Variants in NUDC observed in about 807,000 individuals in gnomAD.
NUDC encodes nuclear migration protein nudC.
NUDC carries 14 observed loss-of-function variants against 45.0 expected under a neutral mutation model. The ratio of observed to expected loss-of-function variants is 0.31; its 90% CI spans 0.21 to 0.49. NUDC has a LOEUF of 0.49. Among genes scored for constraint, NUDC ranks in the 20% least tolerant of loss-of-function variants. The pLI, the probability that NUDC is intolerant of heterozygous loss-of-function variation, is 0.99. For missense variants in NUDC, 323 were observed against 426.2 expected, an observed-to-expected ratio of 0.76 and a Z score of 2.13; for synonymous variants, 153 against 156.7, an observed-to-expected ratio of 0.98 and a Z score of 0.17.
intron 2 of NUDC, among the ~76,000 whole-genome samples, chr1:26,933,247 T>A (rs896506832): frequency 3.9e-5 from 6 of 151,962 alleles, no homozygotes; most frequent in South Asian, 2.1e-4. Context: ...TTTTTTTTTT[T>A]AAATCTATTC....
At position 26,946,378 on chromosome 1, in the gene NUDC, T is replaced by G; in HGVS notation, c.*197T>G. The G allele has an allele frequency of 1.6e-6, 1 of 623,308 alleles. No homozygotes were observed. The highest frequency in any genetic ancestry group is 2.9e-6 in the Non-Finnish European group (1 of 345,964). The allele number at this position is 623,308 out of a possible 1,614,324, so 38.6% of individuals were successfully genotyped here. On this transcript the variant is annotated 3_prime_UTR_variant, in exon 9 of 9. Transcript: ENST00000321265. ...CCCCAGTTGGCCTACTGTTACACAT[T>G]AAAACGATTTGCCCAGCTCCTTCTG...
At chr1:26,911,427 G>A (rs2082025514) in intron 3 of NUDC, 1 of 344,904 alleles carries the variant, frequency 2.9e-6, no homozygotes, top group Admixed American at 4.1e-5. Flanking sequence ...GATAGCAGCA[G>A]GGTGGGCCCT....
intron 2 of NUDC, among the ~76,000 whole-genome samples, chr1:26,927,157 G>C (rs1416745774): frequency 1.4e-5 from 2 of 146,638 alleles, no homozygotes; most frequent in African/African-American, 5.2e-5. Context: ...TATGAAGGAT[G>C]AATAGCTGTA....
intron 3 of NUDC, among the ~76,000 whole-genome samples, chr1:26,914,804 T>C (rs1177295845): frequency 6.6e-6 from 1 of 151,638 alleles, no homozygotes; most frequent in African/African-American, 2.4e-5. Context: ...CCGTCTCTAC[T>C]AAAAATACAA....
intron 2 of NUDC, among the ~76,000 whole-genome samples, chr1:26,909,975 A>T (rs2082018869): frequency 1.3e-5 from 2 of 152,066 alleles, no homozygotes; most frequent in African/African-American, 4.8e-5. Flanking sequence ...TGGGGTCCCA[A>T]ATGCCAGGCA....
intron 6 of NUDC, among the ~76,000 whole-genome samples, chr1:26,944,429 C>T (rs535451630): frequency 6.6e-6 from 1 of 152,246 alleles, no homozygotes; most frequent in Non-Finnish European, 1.5e-5. Flanking sequence ...AACTCCTGGG[C>T]TCAAGGGATC....
chr1:26,914,028 G>A, intron 3 of NUDC: 2 of 1,128,558 alleles, frequency 1.8e-6, no homozygotes, highest in Non-Finnish European at 2.3e-6. Context: ...TGGAACGGGG[G>A]GAATGGCCCA....
At chr1:26,934,859 G>A (rs572692252) in intron 2 of NUDC, among the ~76,000 whole-genome samples, 16 of 151,918 alleles carry the variant, frequency 1.1e-4, no homozygotes, top group Non-Finnish European at 2.2e-4. Context: ...GGGTTTCACC[G>A]TGTTAGCCAG....
intron 2 of NUDC, among the ~76,000 whole-genome samples, chr1:26,931,546 C>T (rs1486418623): frequency 2.0e-5 from 3 of 149,490 alleles, no homozygotes; most frequent in African/African-American, 7.4e-5. Context: ...TTTGGGAGGC[C>T]GAGGTGGGCG....
intron 2 of NUDC, among the ~76,000 whole-genome samples, chr1:26,938,543 TA>T (rs1174533221): frequency 1.3e-5 from 2 of 152,164 alleles, no homozygotes; most frequent in East Asian, 1.9e-4. Flanking sequence ...ATTTGTGGTT[TA>T]GGGGGTACGT....
At chr1:26,931,473 C>T (rs749957660) in intron 2 of NUDC, among the ~76,000 whole-genome samples, 4 of 146,282 alleles carry the variant, frequency 2.7e-5, no homozygotes, top group Admixed American at 6.9e-5. Context: ...ACCTGTGCCT[C>T]CTGGGTTCAA....
intron 8 of NUDC, 110 bp from the exon 9 acceptor site, chr1:26,946,020 C>A: frequency 9.3e-7 from 1 of 1,080,128 alleles, no homozygotes; most frequent in Non-Finnish European, 1.4e-6. Context: ...CCCAGCCTGG[C>A]TTGGTGTTGC....
intron 1 of NUDC, chr1:26,900,578 G>T (rs942937055): frequency 1.4e-6 from 1 of 708,498 alleles, no homozygotes; most frequent in African/African-American, 1.8e-5. Context: ...GGAGCTGGAA[G>T]ATCCGAAGTC....
At chr1:26,936,604 C>T (rs1306271614) in intron 2 of NUDC, among the ~76,000 whole-genome samples, 4 of 150,938 alleles carry the variant, frequency 2.7e-5, no homozygotes, top group Admixed American at 1.3e-4. Flanking sequence ...CCTCCCGAAG[C>T]GCTGGGATTA....
chr1:26,939,435 G>A (rs1230164578), intron 2 of NUDC, among the ~76,000 whole-genome samples: 2 of 152,006 alleles, frequency 1.3e-5, no homozygotes, highest in Admixed American at 6.6e-5. Context: ...AGACCAGCCT[G>A]GGCAACATGG....
At chr1:26,930,929 T>C (rs1446956241) in intron 2 of NUDC, among the ~76,000 whole-genome samples, 1 of 151,194 alleles carries the variant, frequency 6.6e-6, no homozygotes, top group Non-Finnish European at 1.5e-5. Flanking sequence ...GGTGGGAGAA[T>C]TGCTTGAACC....
At chr1:26,943,797 A>G (rs2082297598) in intron 6 of NUDC, among the ~76,000 whole-genome samples, 1 of 152,120 alleles carries the variant, frequency 6.6e-6, no homozygotes, top group African/African-American at 2.4e-5. Flanking sequence ...AGGTGGTCTG[A>G]AAAGGGCCAA....
intron 1 of NUDC, among the ~76,000 whole-genome samples, chr1:26,923,774 T>G (rs535687650): frequency 2.0e-5 from 3 of 152,188 alleles, no homozygotes; most frequent in Admixed American, 2.0e-4. Context: ...CTTGATGGGC[T>G]TTTTACTTTC....
intron 3 of NUDC, among the ~76,000 whole-genome samples, chr1:26,914,695 G>A (rs1157423579): frequency 1.3e-5 from 2 of 152,290 alleles, no homozygotes; most frequent in South Asian, 2.1e-4. Context: ...AGCCGGGCAC[G>A]GTGGCTCATG....
Sources: gnomAD v4.1 joint callset for allele counts (sites outside exome capture counted in the v4.1 genomes callset) on GRCh38, gnomAD v4.1.1 for gene constraint, MANE v1.5 for transcripts, NCBI Gene and HGNC (gene_info 2026-07-23, HGNC 2026-07-21) for gene names.